ANKFN1: variants seen among roughly 807,000 people sequenced by gnomAD.
ANKFN1 encodes ankyrin repeat and fibronectin type III domain containing 1, also known as ankyrin repeat and fibronectin type-III domain-containing protein 1.
In ANKFN1, 74 loss-of-function variants were observed where a neutral mutation model predicts 108.7. The observed-to-expected ratio is 0.68, with a 90% CI of 0.56 to 0.83. The LOEUF (loss-of-function observed/expected upper bound fraction) is 0.83, where lower values mean the gene tolerates loss of function less well. Ranked by LOEUF, ANKFN1 falls within the 40% of genes least tolerant of loss-of-function variation. ANKFN1 has a pLI of 0.00. For synonymous variants in ANKFN1, 547 were observed against 516.2 expected (o/e 1.06, Z -0.81); for missense variants, 1,505 against 1,382.3 (o/e 1.09, Z -1.41).
intron 3 of ANKFN1, among the ~76,000 whole-genome samples, chr17:56,322,658 G>T (rs375715170): frequency 6.6e-6 from 1 of 152,140 alleles, no homozygotes; most frequent in Non-Finnish European, 1.5e-5. Flanking sequence ...CCGTGACGCC[G>T]AACCTGTTTC....
chr17:56,077,557 A>G (rs1449573791), intron 4 of ANKFN1, among the ~76,000 whole-genome samples: 2 of 152,030 alleles, frequency 1.3e-5, no homozygotes, highest in Non-Finnish European at 2.9e-5. Flanking sequence ...CACTTTTTGG[A>G]CTGGCCTTCT....
chr17:56,128,424 T>C (rs1023929350), intron 4 of ANKFN1, among the ~76,000 whole-genome samples: 8 of 152,186 alleles, frequency 5.3e-5, no homozygotes, highest in African/African-American at 1.9e-4. Context: ...TGTTGCCCCT[T>C]AGCCAAACGA....
At chr17:56,175,714 G>A (rs1199317787) in intron 1 of ANKFN1, among the ~76,000 whole-genome samples, 1 of 152,170 alleles carries the variant, frequency 6.6e-6, no homozygotes, top group Non-Finnish European at 1.5e-5. Flanking sequence ...AGTCCCAGCT[G>A]TAGAACTTTC....
At chr17:56,444,205 T>TA (rs567314954) in intron 10 of ANKFN1, among the ~76,000 whole-genome samples, 2 of 53,810 alleles carry the variant, frequency 3.7e-5, no homozygotes, top group African/African-American at 9.1e-5. Flanking sequence ...ATGGTCTTTT[T>TA]AAAAAAAATT....
chr17:56,125,299 T>C (rs1360224954), intron 4 of ANKFN1, among the ~76,000 whole-genome samples: 1 of 152,228 alleles, frequency 6.6e-6, no homozygotes, highest in African/African-American at 2.4e-5. Context: ...ACATTGTATG[T>C]GCTTAGTAAA....
chr17:56,386,664 C>T lies in ANKFN1; in HGVS notation c.910+11950C>T, dbSNP rs2047284114. Among the ~76,000 whole-genome samples, 5 of 144,260 alleles carry T rather than the reference C, an allele frequency of 3.5e-5. No homozygotes were observed. In the South Asian group the frequency reaches 1.1e-3, roughly 32 times the overall value. The allele number at this position is 144,260 out of a possible 152,430, so 94.6% of individuals were successfully genotyped here. ...ATTTTTTTTTCTTTTTCTGGTCTCA[C>T]TTGTTCGACAAGAATCAATGTGAAT... On this transcript the variant is annotated intron_variant, in intron 8 of 20. Transcript: ENST00000682825.
intron 1 of ANKFN1, among the ~76,000 whole-genome samples, chr17:56,201,142 C>T (rs1182753683): frequency 6.6e-6 from 1 of 152,116 alleles, no homozygotes; most frequent in African/African-American, 2.4e-5. Context: ...CCTTTCATTG[C>T]TCTTAATATA....
rs543087971 is a variant in ANKFN1 at position 56,130,210 on chromosome 17, T to G, written c.288+83885T>G. 4.6e-5 allele frequency among the ~76,000 whole-genome samples: 7 copies of G among 152,336 alleles called. No individual in the cohort carries two copies. The South Asian group carries it at 1.5e-3, about 32-fold the overall frequency. ...ATGCTCGCATTCATAATGAAGCTCG[T>G]GTCTTGCTCAGGAGGCAGTGATCTG... On this transcript the variant is annotated intron_variant, in intron 4 of 12. Coordinates refer to the ANKFN1 transcript ENST00000635860.
At chr17:56,210,061 CATAGATAGATAG>C (rs57680665) in intron 1 of ANKFN1, among the ~76,000 whole-genome samples, 173 of 148,112 alleles carry the variant, frequency 1.2e-3, no homozygotes, top group African/African-American at 1.4e-3. Context: ...TAGATAGATA[CATAGATAGATAG>C]ATAGATAGAT....
intron 2 of ANKFN1, among the ~76,000 whole-genome samples, chr17:56,227,231 T>C (rs979513881): frequency 6.6e-6 from 1 of 152,118 alleles, no homozygotes; most frequent in Non-Finnish European, 1.5e-5. Flanking sequence ...CAATAAATTA[T>C]GGATTTGGAA....
chr17:56,158,309 C>T (rs1353574791), intron 1 of ANKFN1, among the ~76,000 whole-genome samples: 1 of 152,160 alleles, frequency 6.6e-6, no homozygotes, highest in East Asian at 1.9e-4. Flanking sequence ...CCAACATGGG[C>T]TCATCCTCCC....
chr17:56,451,805 C>A (rs894929194), intron 11 of ANKFN1, among the ~76,000 whole-genome samples: 4 of 152,310 alleles, frequency 2.6e-5, no homozygotes, highest in South Asian at 2.1e-4. Context: ...TATGCATATT[C>A]CATAGAATTG....
chr17:56,253,698 C>T (rs954687129), intron 3 of ANKFN1, among the ~76,000 whole-genome samples: 2 of 152,080 alleles, frequency 1.3e-5, no homozygotes, highest in African/African-American at 2.4e-5. Context: ...GAGATCACCC[C>T]GCTGCACTCC....
At chr17:56,357,783 A>T (rs2046412704) in intron 6 of ANKFN1, among the ~76,000 whole-genome samples, 1 of 152,152 alleles carries the variant, frequency 6.6e-6, no homozygotes, top group South Asian at 2.1e-4. Flanking sequence ...AAGAGGCAGG[A>T]TATATAAGAG....
At chr17:56,161,173 G>A (rs1055748654) in intron 1 of ANKFN1, among the ~76,000 whole-genome samples, 1 of 152,184 alleles carries the variant, frequency 6.6e-6, no homozygotes, top group Non-Finnish European at 1.5e-5. Context: ...GAGTTTTGCT[G>A]TAAGGATTAA....
intron 3 of ANKFN1, among the ~76,000 whole-genome samples, chr17:56,294,270 A>G (rs975496628): frequency 2.0e-5 from 3 of 152,182 alleles, no homozygotes; most frequent in Admixed American, 6.5e-5. Flanking sequence ...GGTAATCAAG[A>G]AGAGAATGCA....
At chr17:56,323,063 C>A (rs115467581) in intron 3 of ANKFN1, among the ~76,000 whole-genome samples, 74 of 152,222 alleles carry the variant, frequency 4.9e-4, no homozygotes, top group African/African-American at 1.7e-3. Flanking sequence ...TTTAAAGGAG[C>A]TTTTAATTGA....
intron 4 of ANKFN1, among the ~76,000 whole-genome samples, chr17:56,077,265 G>A (rs1905192079): frequency 6.6e-6 from 1 of 152,142 alleles, no homozygotes; most frequent in South Asian, 2.1e-4. Flanking sequence ...ACCCATGGAG[G>A]GTAATAGTAA....
intron 2 of ANKFN1, among the ~76,000 whole-genome samples, chr17:56,217,903 A>C (rs1915541441): frequency 6.6e-6 from 1 of 152,224 alleles, no homozygotes; most frequent in Admixed American, 6.5e-5. Context: ...TATTATCTCT[A>C]ATAGATTTAC....
Sources: gnomAD v4.1 joint callset for allele counts (sites outside exome capture counted in the v4.1 genomes callset) on GRCh38, gnomAD v4.1.1 for gene constraint, MANE v1.5 for transcripts, NCBI Gene and HGNC (gene_info 2026-07-23, HGNC 2026-07-21) for gene names.